Variants in CCDC30 observed in about 807,000 individuals in gnomAD.
CCDC30 encodes the protein coiled-coil domain containing 30, also known as coiled-coil domain-containing protein 30.
CCDC30 carries 70 observed loss-of-function variants against 100.2 expected under a neutral mutation model. The ratio of observed to expected loss-of-function variants is 0.70; its 90% CI spans 0.58 to 0.85. The LOEUF (loss-of-function observed/expected upper bound fraction) is 0.85, where lower values mean the gene tolerates loss of function less well. Among genes scored for constraint, CCDC30 ranks in the 40% least tolerant of loss-of-function variants. The pLI is 0.00. For missense variants in CCDC30, 652 were observed against 771.2 expected (o/e 0.85, Z 1.83); for synonymous variants, 233 against 269.5 (o/e 0.86, Z 1.33).
In CCDC30 at chr1:42,611,071, C is replaced by A. The variant is rs184953500; in HGVS notation, c.1258C>A (p.Leu420Met). The change falls in exon 11 of 17, where the codon CTG (leucine) becomes ATG (methionine). Residue 420 changes from leucine (L) to methionine (M), a missense_variant. Coordinates refer to ENST00000668663, the Ensembl canonical transcript of CCDC30. ...TGAAGAATATTTGCGATTATTGAAG[C>A]TGCTTAATGTCCATGTGAGGTAAAC... The A allele has an allele frequency of 4.4e-6, 7 of 1,599,302 alleles. No individual in the cohort carries two copies. The East Asian group carries it at 8.9e-5, about 20-fold the overall frequency.
intron 1 of CCDC30, among the ~76,000 whole-genome samples, chr1:42,474,725 CTT>C (rs1643863874): frequency 6.6e-6 from 1 of 152,180 alleles, no homozygotes; most frequent in African/African-American, 2.4e-5. Flanking sequence ...AGGCAAGTCT[CTT>C]AGCCTCTCTA....
intron 6 of CCDC30, among the ~76,000 whole-genome samples, chr1:42,516,187 C>G (rs1020493116): frequency 2.6e-5 from 4 of 152,176 alleles, no homozygotes; most frequent in African/African-American, 9.7e-5. Flanking sequence ...ACTAATTTCT[C>G]CACATCATTG....
chr1:42,506,181 G>C (rs1477452341), intron 6 of CCDC30, among the ~76,000 whole-genome samples: 1 of 152,272 alleles, frequency 6.6e-6, no homozygotes, highest in Middle Eastern at 3.4e-3. Flanking sequence ...ATAAGGATGA[G>C]CAATGTTTCA....
chr1:42,652,295 C>T lies in CCDC30; in HGVS notation c.1855-1081C>T, dbSNP rs185076143. ...ACACATGTAAGCATAGAGCAAAATG[C>T]TGGTTACCAGAGGCTGAGGGGTGAG... On this transcript the variant is annotated intron_variant, in intron 15 of 16. Coordinates refer to ENST00000668663, the Ensembl canonical transcript of CCDC30. 9.6e-4 allele frequency among the ~76,000 whole-genome samples: 146 copies of T among 152,114 alleles called. 1 individual carries two copies. Among genetic ancestry groups the T allele is most frequent in the Middle Eastern group, 3.4e-3 (1 of 294 alleles).
At chr1:42,646,219 T>C (rs1469866739) in exon 15 of CCDC30, 2 of 1,570,572 alleles carry the variant, frequency 1.3e-6, no homozygotes, top group Non-Finnish European at 1.7e-6. Flanking sequence ...GAAAGAAATA[T>C]ACAGCACTGA....
intron 11 of CCDC30, among the ~76,000 whole-genome samples, chr1:42,627,084 G>C (rs770374173): frequency 6.6e-6 from 1 of 152,184 alleles, no homozygotes; most frequent in East Asian, 1.9e-4. Flanking sequence ...GAGATTTGTT[G>C]AATGGCTTTG....
intron 11 of CCDC30, among the ~76,000 whole-genome samples, chr1:42,625,332 A>G (rs1422542019): frequency 2.0e-5 from 3 of 151,784 alleles, no homozygotes; most frequent in Admixed American, 1.3e-4. Context: ...TTTTTGTTTC[A>G]TTGATCTTTT....
intron 12 of CCDC30, 95 bp from the exon 17 acceptor site, chr1:42,642,378 G>A (rs1647528458): frequency 8.6e-7 from 1 of 1,160,282 alleles, no homozygotes; most frequent in African/African-American, 1.6e-5. Flanking sequence ...AAGTAAATAA[G>A]GGAAAATTTC....
At chr1:42,467,810 A>G (rs1201164621) in intron 1 of CCDC30, 1 of 152,232 alleles carries the variant, frequency 6.6e-6, no homozygotes, top group Non-Finnish European at 1.5e-5. Flanking sequence ...GACACAGCCT[A>G]TTTGGTGAGC....
intron 3 of CCDC30, among the ~76,000 whole-genome samples, chr1:42,489,033 C>T (rs1030798420): frequency 1.3e-5 from 2 of 152,168 alleles, no homozygotes; most frequent in South Asian, 2.1e-4. Flanking sequence ...TGTCCTACCT[C>T]CTATATTACT....
intron 6 of CCDC30, among the ~76,000 whole-genome samples, chr1:42,543,288 T>TC (rs1013076023): frequency 6.6e-6 from 1 of 150,796 alleles, no homozygotes; most frequent in East Asian, 1.9e-4. Context: ...TTTTTTTTTT[T>TC]CCCCTCCTTC....
chr1:42,495,530 G>C (rs1179856869), intron 4 of CCDC30, among the ~76,000 whole-genome samples: 1 of 119,168 alleles, frequency 8.4e-6, no homozygotes, highest in African/African-American at 3.4e-5. Context: ...AAATAAAAAA[G>C]CAAAAAAAAA....
intron 7 of CCDC30, among the ~76,000 whole-genome samples, chr1:42,572,791 G>C (rs995317083): frequency 1.3e-5 from 2 of 151,958 alleles, no homozygotes; most frequent in Admixed American, 1.3e-4. Flanking sequence ...TAATTTTTTT[G>C]TACTTTTAGT....
intron 15 of CCDC30, among the ~76,000 whole-genome samples, chr1:42,651,262 A>G (rs1648322367): frequency 6.6e-6 from 1 of 152,224 alleles, no homozygotes; most frequent in Non-Finnish European, 1.5e-5. Context: ...AAGCTTCTGC[A>G]CAGCAAAAGA....
intron 11 of CCDC30, among the ~76,000 whole-genome samples, chr1:42,623,742 T>C (rs1479330280): frequency 6.6e-6 from 1 of 152,242 alleles, no homozygotes; most frequent in Non-Finnish European, 1.5e-5. Context: ...ATATAAATTT[T>C]AGGATAGTTT....
At chr1:42,650,500 T>C (rs1407755376) in intron 15 of CCDC30, among the ~76,000 whole-genome samples, 2 of 79,836 alleles carry the variant, frequency 2.5e-5, no homozygotes, top group African/African-American at 6.2e-5. Context: ...AATATATATG[T>C]GTGTGTGTGT....
intron 6 of CCDC30, among the ~76,000 whole-genome samples, chr1:42,544,373 C>T (rs1354884333): frequency 2.0e-5 from 3 of 152,190 alleles, no homozygotes; most frequent in African/African-American, 7.2e-5. Flanking sequence ...GGCAGTGATT[C>T]TCAAAGCATC....
intron 12 of CCDC30, among the ~76,000 whole-genome samples, chr1:42,642,041 C>T (rs545467567): frequency 7.4e-4 from 113 of 151,972 alleles, no homozygotes; most frequent in East Asian, 1.6e-3. Context: ...CTGGCTAACA[C>T]GGTGAAACCC....
Position 42,546,972 on chromosome 1 carries a change from T to A in CCDC30, c.457-19324T>A, listed in dbSNP as rs137911661. On this transcript the variant is annotated intron_variant, in intron 6 of 16. Coordinates refer to ENST00000668663, the Ensembl canonical transcript of CCDC30. The stretch of plus-strand genomic sequence containing the variant: ...TCATCAATGAAGTGAGAAAATATAG[T>A]CTAGATGTAGACAAAGTTATATCTT... Among the ~76,000 whole-genome samples the A allele has an allele frequency of 5.2e-3, 794 of 152,266 alleles. 8 individuals are homozygous for A. The highest frequency in any genetic ancestry group is 0.018 in the African/African-American group (767 of 41,554).
Sources: allele counts gnomAD v4.1 joint callset (sites outside exome capture counted in the v4.1 genomes callset), GRCh38; gene constraint gnomAD v4.1.1; transcripts MANE v1.5; gene names NCBI Gene and HGNC (gene_info 2026-07-23, HGNC 2026-07-21).